The following PCDH15 variants were observed in gnomAD, a reference collection of about 807,000 sequenced individuals.
PCDH15 encodes the protein protocadherin related 15.
PCDH15 carries 129 observed loss-of-function variants against 178.5 expected under a neutral mutation model. The ratio of observed to expected loss-of-function variants is 0.72; its 90% confidence interval spans 0.63 to 0.84. The LOEUF (loss-of-function observed/expected upper bound fraction) is 0.84, where lower values mean the gene tolerates loss of function less well. Among genes scored for constraint, PCDH15 ranks in the 40% least tolerant of loss-of-function variants. The pLI is 0.00. For missense variants in PCDH15, 2,230 were observed against 2,099.9 expected, an observed-to-expected ratio of 1.06 and a Z score of -1.21; for synonymous variants, 800 against 732.0, an observed-to-expected ratio of 1.09 and a Z score of -1.50.
At chr10:54,339,457 A>C (rs1941829119) in intron 6 of PCDH15, among the ~76,000 whole-genome samples, 1 of 152,210 alleles carries the variant, frequency 6.6e-6, no homozygotes, top group Admixed American at 6.5e-5. Flanking sequence ...GCCTGACAAC[A>C]TATATTGTCC....
At chr10:54,964,717 A>C (rs930070656) in intron 2 of PCDH15, among the ~76,000 whole-genome samples, 2 of 152,292 alleles carry the variant, frequency 1.3e-5, no homozygotes, top group Admixed American at 6.5e-5. Context: ...GAACTCTAGG[A>C]AGTAAGAGGC....
intron 2 of PCDH15, among the ~76,000 whole-genome samples, chr10:54,603,346 T>A (rs1264005339): frequency 6.6e-6 from 1 of 151,980 alleles, no homozygotes; most frequent in Non-Finnish European, 1.5e-5. Flanking sequence ...TTTGTTGACT[T>A]TTGAAATAGC....
At chr10:54,915,742 T>C (rs1954891308) in intron 2 of PCDH15, among the ~76,000 whole-genome samples, 1 of 152,226 alleles carries the variant, frequency 6.6e-6, no homozygotes, top group Admixed American at 6.5e-5. Flanking sequence ...TTTTCTGTAT[T>C]AAGAATATTT....
rs570884254 is a variant in PCDH15 at position 54,859,164 on chromosome 10, T to C, written c.-29+38286A>G. Among the ~76,000 whole-genome samples the C allele has an allele frequency of 3.3e-5, 5 of 152,248 alleles. No individual in the cohort carries two copies. In the South Asian group the frequency reaches 8.3e-4, roughly 25 times the overall value. On this transcript the variant is annotated intron_variant, in intron 3 of 5. Transcript: ENST00000458638. ...GCTCTCCCTTGCCTTCACATTTTTC[T>C]TGTGTGAGAAGAAATATGAAGCTGA...
At chr10:53,874,492 A>G (rs11003900) in intron 26 of PCDH15, among the ~76,000 whole-genome samples, 10,677 of 152,084 alleles carry the variant, frequency 0.07, 1,086 homozygotes, top group African/African-American at 0.22. Flanking sequence ...ATAATATTCC[A>G]TTGGTAAAGT....
intron 2 of PCDH15, among the ~76,000 whole-genome samples, chr10:55,105,991 A>C (rs1842664137): frequency 6.6e-6 from 1 of 150,660 alleles, no homozygotes; most frequent in African/African-American, 2.4e-5. Flanking sequence ...CAATGACAAT[A>C]CTCCTGGAAG....
intron 2 of PCDH15, among the ~76,000 whole-genome samples, chr10:54,595,985 T>G (rs1217108256): frequency 6.6e-6 from 1 of 152,092 alleles, no homozygotes; most frequent in Non-Finnish European, 1.5e-5. Context: ...ACCAATATTA[T>G]GACTCATTGG....
chr10:54,297,477 G>T (rs907981132), intron 8 of PCDH15, among the ~76,000 whole-genome samples: 2 of 152,114 alleles, frequency 1.3e-5, no homozygotes, highest in Non-Finnish European at 2.9e-5. Flanking sequence ...TTTCATTGAA[G>T]GAGAATCCAC....
At chr10:54,324,724 C>A (rs1171440239) in intron 7 of PCDH15, among the ~76,000 whole-genome samples, 1 of 151,982 alleles carries the variant, frequency 6.6e-6, no homozygotes, top group Non-Finnish European at 1.5e-5. Context: ...GAGATCACCC[C>A]CCTGCACTAC....
chr10:55,562,813 T>C (rs1389652169), intron 2 of PCDH15, among the ~76,000 whole-genome samples: 2 of 151,640 alleles, frequency 1.3e-5, no homozygotes, highest in East Asian at 3.9e-4. Flanking sequence ...TGTGAAAGAG[T>C]CTGGTTTACA....
chr10:54,546,368 CTTAGTTT>C (rs1351462499), intron 2 of PCDH15, among the ~76,000 whole-genome samples: 5 of 152,084 alleles, frequency 3.3e-5, no homozygotes, highest in Non-Finnish European at 5.9e-5. Context: ...TCTGTACATT[CTTAGTTT>C]TGAGTGTGAA....
At chr10:54,581,741 A>T (rs898914313) in intron 2 of PCDH15, among the ~76,000 whole-genome samples, 2 of 152,142 alleles carry the variant, frequency 1.3e-5, no homozygotes, top group African/African-American at 2.4e-5. Flanking sequence ...GACGTATGGA[A>T]CAGAAAAGAG....
chr10:53,862,874 C>A (rs147008108), intron 27 of PCDH15, among the ~76,000 whole-genome samples: 1 of 152,102 alleles, frequency 6.6e-6, no homozygotes. Flanking sequence ...AGGACACTTT[C>A]GTTGATAGGT....
At chr10:53,842,303 C>A (rs1169899249) in intron 28 of PCDH15, among the ~76,000 whole-genome samples, 1 of 152,138 alleles carries the variant, frequency 6.6e-6, no homozygotes, top group Non-Finnish European at 1.5e-5. Flanking sequence ...GTCGCCCAGG[C>A]TGGAGTGCAA....
At chr10:53,866,547 G>T in intron 27 of PCDH15, 95 bp downstream of exon 27, 3 of 915,750 alleles carry the variant, frequency 3.3e-6, no homozygotes, top group Non-Finnish European at 5.3e-6. Context: ...TTGAAAACCC[G>T]TTTTAAATTA....
At chr10:53,969,549 A>G (rs1308919705) in intron 21 of PCDH15, among the ~76,000 whole-genome samples, 1 of 152,242 alleles carries the variant, frequency 6.6e-6, no homozygotes, top group East Asian at 1.9e-4. Context: ...TCCAAGGCAC[A>G]TGATTGTCAG....
intron 1 of PCDH15, among the ~76,000 whole-genome samples, chr10:55,276,164 G>A (rs925186750): frequency 4.0e-5 from 6 of 150,186 alleles, no homozygotes; most frequent in Non-Finnish European, 8.9e-5. Context: ...TCTACATCAC[G>A]TGAAAATAAT....
intron 8 of PCDH15, among the ~76,000 whole-genome samples, chr10:54,287,263 T>C (rs1351074118): frequency 6.6e-6 from 1 of 152,212 alleles, no homozygotes; most frequent in Non-Finnish European, 1.5e-5. Flanking sequence ...GTATGCACTT[T>C]GTATCTGAAA....
intron 2 of PCDH15, among the ~76,000 whole-genome samples, chr10:54,660,324 A>G (rs922420995): frequency 6.6e-6 from 1 of 152,178 alleles, no homozygotes; most frequent in Non-Finnish European, 1.5e-5. Flanking sequence ...TAATCATGGT[A>G]GACTATGAAT....
Sources: gnomAD v4.1 joint callset for allele counts (sites outside exome capture counted in the v4.1 genomes callset) on GRCh38, gnomAD v4.1.1 for gene constraint, MANE v1.5 for transcripts, NCBI Gene and HGNC (gene_info 2026-07-23, HGNC 2026-07-21) for gene names.